Variants in CCDC150 observed in about 807,000 individuals in gnomAD.
The protein encoded by CCDC150 is coiled-coil domain containing 150.
A neutral mutation model predicts 156.5 loss-of-function variants in CCDC150; 151 were observed. That is an observed-to-expected ratio of 0.97 (90% CI 0.85 to 1.10). The LOEUF is 1.10. Ranked by LOEUF, CCDC150 falls within the 50% of genes least tolerant of loss-of-function variation. The pLI is 0.00. For synonymous variants in CCDC150, 452 were observed against 429.4 expected (o/e 1.05, Z -0.65); for missense variants, 1,312 against 1,268.1 (o/e 1.03, Z -0.53).
chr2:196,683,097 G>C (rs145400920), intron 13 of CCDC150, among the ~76,000 whole-genome samples: 10 of 152,148 alleles, frequency 6.6e-5, no homozygotes, highest in Non-Finnish European at 1.3e-4. Context: ...TCTTGTTTCT[G>C]ATCTTCGGGG....
At position 196,712,747 on chromosome 2, in the gene CCDC150, T is replaced by C; in HGVS notation, c.1866+8T>C. 6.2e-7 allele frequency: 1 copy of C among 1,604,438 alleles called. No individual in the cohort carries two copies. The highest frequency in any genetic ancestry group is 8.5e-7 in the Non-Finnish European group (1 of 1,173,926). Reference sequence around the variant, plus strand: ...GATGCTCACCTGAAAGAAGTATTGGTAATGAAAGTGCTTACTTGTCAGCAT... The same window carrying C: ...GATGCTCACCTGAAAGAAGTATTGGCAATGAAAGTGCTTACTTGTCAGCAT... On this transcript the variant is annotated splice_region_variant and intron_variant, in intron 17 of 27. Coordinates refer to ENST00000389175, the MANE Select transcript of CCDC150 (RefSeq NM_001080539.2).
intron 13 of CCDC150, among the ~76,000 whole-genome samples, chr2:196,678,247 T>C (rs1694625426): frequency 6.6e-6 from 1 of 152,228 alleles, no homozygotes; most frequent in Non-Finnish European, 1.5e-5. Flanking sequence ...ATTAGCTTAC[T>C]TAGACAAGAA....
At chr2:196,664,805 A>G (rs1343370182) in intron 5 of CCDC150, among the ~76,000 whole-genome samples, 1 of 151,946 alleles carries the variant, frequency 6.6e-6, no homozygotes, top group South Asian at 2.1e-4. Flanking sequence ...TTAGCACACA[A>G]AAGACACTCT....
At position 196,721,579 on chromosome 2, in the gene CCDC150, A is replaced by G. The variant is rs1453496074; in HGVS notation, c.2317A>G (p.Met773Val). The G allele has an allele frequency of 2.5e-6, 4 of 1,608,842 alleles. No individual in the cohort carries two copies. The highest frequency in any genetic ancestry group is 2.5e-6 in the Non-Finnish European group (3 of 1,177,812). The change falls in exon 21 of 28, where the codon ATG becomes GTG. Residue 773 changes from methionine to valine, a missense_variant. Physicochemically the swap from Met to Val is conservative, Grantham distance 21 (BLOSUM62 1). Coordinates refer to ENST00000389175, the MANE Select transcript of CCDC150 (RefSeq NM_001080539.2). ...TAGAGAAGACAACAGGAAACTTGCTATGAGTCTGGAACAAGCTCTCCAGAC... is the reference window on the plus strand; with the variant it reads ...TAGAGAAGACAACAGGAAACTTGCTGTGAGTCTGGAACAAGCTCTCCAGAC... ...VAREDNRKLAMSLEQALQTNN... is the reference protein window; with the variant it reads ...VAREDNRKLAVSLEQALQTNN...
At chr2:196,712,979 C>T (rs1320518795) in intron 17 of CCDC150, 4 of 526,378 alleles carry the variant, frequency 7.6e-6, no homozygotes, top group Non-Finnish European at 1.4e-5. Context: ...TTAATAAAAG[C>T]ATATGTAACT....
intron 15 of CCDC150, among the ~76,000 whole-genome samples, chr2:196,709,364 A>G (rs1457645086): frequency 6.6e-6 from 1 of 152,082 alleles, no homozygotes; most frequent in East Asian, 1.9e-4. Context: ...CAGGTCATTT[A>G]TGGTCTTCTC....
chr2:196,671,852 A>T (rs185944587), intron 8 of CCDC150, among the ~76,000 whole-genome samples: 3 of 152,234 alleles, frequency 2.0e-5, no homozygotes, highest in African/African-American at 7.2e-5. Flanking sequence ...TAAAGCTGCT[A>T]TAAGTATCTG....
At chr2:196,713,277 G>A in intron 17 of CCDC150, 6 of 1,398,386 alleles carry the variant, frequency 4.3e-6, no homozygotes, top group Non-Finnish European at 5.6e-6. Context: ...ACACTGTGTT[G>A]TTTCTCCTAG....
chr2:196,661,373 G>A (rs1693548512), intron 5 of CCDC150, among the ~76,000 whole-genome samples: 1 of 152,298 alleles, frequency 6.6e-6, no homozygotes, highest in East Asian at 1.9e-4. Context: ...TCCTTGGCTT[G>A]CAGGTGTCCG....
chr2:196,646,645 T>G, intron 2 of CCDC150, 141 bp downstream of exon 2: 1 of 669,692 alleles, frequency 1.5e-6, no homozygotes, highest in Non-Finnish European at 2.5e-6. Context: ...TAGAAAACAT[T>G]TGCAAAATGA....
intron 14 of CCDC150, among the ~76,000 whole-genome samples, chr2:196,695,436 G>A (rs1695756364): frequency 6.6e-6 from 1 of 152,160 alleles, no homozygotes; most frequent in Non-Finnish European, 1.5e-5. Flanking sequence ...CAAGAAACTT[G>A]TATTTTTTTT....
intron 13 of CCDC150, among the ~76,000 whole-genome samples, chr2:196,689,924 A>G (rs1034091886): frequency 1.3e-5 from 2 of 152,134 alleles, no homozygotes; most frequent in Non-Finnish European, 2.9e-5. Flanking sequence ...CATCCCATCA[A>G]TACCTAATTT....
At chr2:196,669,975 C>A (rs113187338) in intron 8 of CCDC150, 99 bp downstream of exon 8, 24 of 722,638 alleles carry the variant, frequency 3.3e-5, no homozygotes, top group Middle Eastern at 2.5e-4. Context: ...TTACTCTCAT[C>A]AAAGTTTTAT....
chr2:196,646,902 A>C (rs1476386347), intron 2 of CCDC150, among the ~76,000 whole-genome samples: 1 of 152,124 alleles, frequency 6.6e-6, no homozygotes, highest in African/African-American at 2.4e-5. Context: ...CATATTTATT[A>C]TAAATTAAAA....
In CCDC150 at chr2:196,656,970, A is replaced by G. The variant is rs768296702; in HGVS notation, c.410A>G (p.Asp137Gly). ...TGCGGTCTGGTAGCTTTTCTGAAAG[A>G]TCGACTGAATGCAATACAGGAAGAG... ...LNPQKTAFLK[D>G]RLNAIQEEHS... Residue 137 changes from aspartate to glycine, a missense_variant, in exon 4 of 28, where the codon GAT becomes GGT. Asp to Gly is a moderately conservative substitution (Grantham distance 94, BLOSUM62 -1). Transcript: ENST00000389175. 20 of 1,613,450 alleles carry G rather than the reference A, an allele frequency of 1.2e-5. No homozygotes were observed. The South Asian group carries it at 2.1e-4, about 17-fold the overall frequency.
At chr2:196,690,847 T>C (rs1031078373) in intron 13 of CCDC150, among the ~76,000 whole-genome samples, 6 of 152,228 alleles carry the variant, frequency 3.9e-5, no homozygotes, top group African/African-American at 1.2e-4. Context: ...GGGTTTGTCA[T>C]AGATGGCTCT....
chr2:196,662,782 G>GA (rs1372278370), intron 5 of CCDC150, among the ~76,000 whole-genome samples: 1 of 151,754 alleles, frequency 6.6e-6, no homozygotes, highest in African/African-American at 2.4e-5. Flanking sequence ...AAAGAAAAAA[G>GA]AAAAAAAGCC....
At chr2:196,715,355 G>A (rs180800619) in intron 17 of CCDC150, among the ~76,000 whole-genome samples, 46 of 152,246 alleles carry the variant, frequency 3.0e-4, no homozygotes, top group African/African-American at 1.0e-3. Flanking sequence ...AAGTTCAGAA[G>A]AGTATATGTA....
chr2:196,672,500 A>G, intron 9 of CCDC150, 63 bp downstream of exon 9: 1 of 876,186 alleles, frequency 1.1e-6, no homozygotes, highest in Non-Finnish European at 1.6e-6. Flanking sequence ...TAAATAACCA[A>G]GAAACAAAAT....
Sources: allele counts gnomAD v4.1 joint callset (sites outside exome capture counted in the v4.1 genomes callset), GRCh38; gene constraint gnomAD v4.1.1; transcripts MANE v1.5; gene names NCBI Gene and HGNC (gene_info 2026-07-23, HGNC 2026-07-21).